Variants in RTL1 observed in about 807,000 individuals in gnomAD.
RTL1 encodes retrotransposon Gag like 1, also known as retrotransposon-like protein 1.
For synonymous variants in RTL1, 727 were observed against 748.4 expected, an observed-to-expected ratio of 0.97 and a Z score of 0.47; for missense variants, 1,681 against 1,767.5, an observed-to-expected ratio of 0.95 and a Z score of 0.88.
chr14:100,901,437 A>G (rs913861130), intron 2 of RTL1, among the ~76,000 whole-genome samples: 1 of 152,176 alleles, frequency 6.6e-6, no homozygotes, highest in Non-Finnish European at 1.5e-5. Flanking sequence ...TGGGAACTGA[A>G]CCCCTGTGAA....
intron 2 of RTL1, among the ~76,000 whole-genome samples, chr14:100,897,007 TC>T (rs1490126314): frequency 1.3e-5 from 2 of 152,006 alleles, no homozygotes; most frequent in African/African-American, 2.4e-5. Context: ...AGTAAAGCAC[TC>T]CCCCGTGGGT....
chr14:100,881,290 A>G lies in RTL1; in HGVS notation c.3499T>C (p.Phe1167Leu), dbSNP rs2038608122. 3.9e-6 allele frequency: 6 copies of G among 1,550,316 alleles called. No individual in the cohort carries two copies. Among genetic ancestry groups the G allele is most frequent in the Non-Finnish European group, 5.2e-6 (6 of 1,146,964 alleles). The change falls in exon 4 of 4, where the codon TTC becomes CTC. Residue 1167 changes from phenylalanine (F) to leucine (L), a missense_variant. Transcript: ENST00000649591. This position sits in a 1 kb window ranked among gnomAD's most constrained non-coding sequence, Gnocchi z 6.6. ...TIPAQELAEL[F>L]LGPGRWQRNA... ...CGCTGCCAGCGGCCAGGGCCCAGGA[A>G]CAGCTCAGCCAGCTCCTGGGCTGGG...
intron 2 of RTL1, among the ~76,000 whole-genome samples, chr14:100,900,627 G>A (rs184326941): frequency 6.6e-6 from 1 of 152,212 alleles, no homozygotes; most frequent in Non-Finnish European, 1.5e-5. Flanking sequence ...TGTCCGGCAG[G>A]GGCTAAAGGG....
At position 100,884,889 on chromosome 14, in the gene RTL1, G is replaced by T; in HGVS notation, c.-86-15C>A. On this transcript the variant is annotated splice_polypyrimidine_tract_variant and intron_variant, in intron 3 of 3. Coordinates refer to ENST00000649591, the MANE Select transcript of RTL1 (RefSeq NM_001134888.3). Reference sequence around the variant, plus strand: ...GAGATCAGAACCTGGTGGTGGAAGGGGAGTGTGGGGAGTAAAGGCAGTAGT... The same window carrying T: ...GAGATCAGAACCTGGTGGTGGAAGGTGAGTGTGGGGAGTAAAGGCAGTAGT... 2 of 1,076,710 alleles carry T rather than the reference G, an allele frequency of 1.9e-6. No homozygotes were observed. Among genetic ancestry groups the T allele is most frequent in the Non-Finnish European group, 2.6e-6 (2 of 754,868 alleles). The allele number at this position is 1,076,710 out of a possible 1,614,324, so 66.7% of individuals were successfully genotyped here.
rs763367379 is a variant in RTL1, at chr14:100,883,115, T to C, written c.1674A>G (p.Pro558=). The change falls in exon 4 of 4, where the codon CCA becomes CCG. Residue 558 remains proline, a synonymous_variant. Transcript: ENST00000649591. This position sits in a 1 kb window ranked among gnomAD's most constrained non-coding sequence, Gnocchi z 5.9. ...TAAACACGTCGGCCAGGTCTGAGTA[T>C]GGGTGTGGCAGTCCGGGTAGCAGGC... The part of the protein sequence containing the change: ...GMSLLPGLPH[P]YSDLADVFNP... 6.2e-7 allele frequency: 1 copy of C among 1,612,908 alleles called. No homozygotes were observed. Among genetic ancestry groups the C allele is most frequent in the South Asian group, 1.1e-5 (1 of 90,720 alleles).
Position 100,879,782 on chromosome 14 carries a change from CAA to C in RTL1, c.*928_*929del, listed in dbSNP as rs1277024985. Among the ~76,000 whole-genome samples, 2 of 150,784 alleles carry C rather than the reference CAA, an allele frequency of 1.3e-5. No homozygotes were observed. The highest frequency in any genetic ancestry group is 3.0e-5 in the Non-Finnish European group (2 of 67,656). ...TTTAGTTTGCTTTATTTGAGGAGTGCAAAAAGATTGGGGGGTGAGAAAGCTCG... is the reference window on the plus strand; with the variant it reads ...TTTAGTTTGCTTTATTTGAGGAGTGCAAAGATTGGGGGGTGAGAAAGCTCG... On this transcript the variant is annotated 3_prime_UTR_variant, in exon 4 of 4. Coordinates refer to ENST00000649591, the MANE Select transcript of RTL1 (RefSeq NM_001134888.3).
Position 100,883,695 on chromosome 14 carries a change from C to A in RTL1, c.1094G>T (p.Arg365Ile), listed in dbSNP as rs188763368. The change falls in exon 4 of 4, where the codon AGA (arginine) becomes ATA (isoleucine). Residue 365 changes from arginine (R) to isoleucine (I), a missense_variant. Arg to Ile is a moderately conservative substitution (Grantham distance 97, BLOSUM62 -3). Transcript: ENST00000649591. This position sits in a 1 kb window ranked among gnomAD's most constrained non-coding sequence, Gnocchi z 5.9. ...LQIEEKLAER[R>I]AMLRLPPEAR... ...CTCGGGGGGCAGCCTGAGCATAGCT[C>A]TTCTCTCTGCCAGCTTCTCTTCTAT... is the stretch of plus-strand genomic sequence containing the variant. 3.2e-6 allele frequency: 5 copies of A among 1,551,646 alleles called. No individual in the cohort carries two copies. In the South Asian group the frequency reaches 5.9e-5, roughly 18 times the overall value.
rs2038967941 is a variant in RTL1 at position 100,903,289 on chromosome 14, A to C, written c.-149+2T>G. On this transcript the variant is annotated splice_donor_variant, in intron 2 of 3. Transcript: ENST00000649591. LOFTEE classifies it low-confidence loss of function (5UTR_SPLICE). ...TTCTCCAAGCCACCACAGTGTACCT[A>C]CCTTCCCCGGGCCCAGTCCCAAGCG... Among the ~76,000 whole-genome samples, 1 of 152,054 alleles carries C rather than the reference A, an allele frequency of 6.6e-6. No individual in the cohort carries two copies. Among genetic ancestry groups the C allele is most frequent in the African/African-American group, 2.4e-5 (1 of 41,404 alleles).
chr14:100,890,510 G>A (rs1307842119), intron 3 of RTL1, among the ~76,000 whole-genome samples: 2 of 151,870 alleles, frequency 1.3e-5, no homozygotes, highest in African/African-American at 2.4e-5. Flanking sequence ...GTGGGAGGCT[G>A]GGGGCTGAGG....
At chr14:100,890,198 C>T (rs1403601559) in intron 3 of RTL1, among the ~76,000 whole-genome samples, 1 of 151,910 alleles carries the variant, frequency 6.6e-6, no homozygotes, top group Non-Finnish European at 1.5e-5. Context: ...GCCCCAGCCT[C>T]ACCACCTTCA....
Position 100,891,007 on chromosome 14 carries a change from T to C in RTL1, c.-87+2437A>G, listed in dbSNP as rs113358181. ...GGAAGCCTTCCTGGTTTCCCTGGTA[T>C]GAACAAGTGTCAAGGATGGCTCACT... On this transcript the variant is annotated intron_variant, in intron 3 of 3. Transcript: ENST00000649591. Among the ~76,000 whole-genome samples, 1,461 of 152,278 alleles carry C rather than the reference T, an allele frequency of 9.6e-3. 19 individuals carry two copies. The highest frequency in any genetic ancestry group is 0.033 in the African/African-American group (1,376 of 41,548).
Position 100,882,286 on chromosome 14 carries a change from G to A in RTL1, c.2503C>T (p.Arg835Trp), listed in dbSNP as rs537765084. 115 of 1,551,644 alleles carry A rather than the reference G, an allele frequency of 7.4e-5. No individual in the cohort carries two copies. The highest frequency in any genetic ancestry group is 9.3e-5 in the Non-Finnish European group (107 of 1,147,010). The part of the protein sequence containing the change: ...RFSIIAEPLV[R>W]QLLSSYQFYW... ...AACTGGTAGGAGCTCAGCAGCTGCC[G>A]CACCAGGGGCTCTGCGATGATGCTG... The change falls in exon 4 of 4, where the codon CGG becomes TGG. Residue 835 changes from arginine (R) to tryptophan (W), a missense_variant. By Grantham distance (101) the Arg-to-Trp change is moderately radical. Transcript: ENST00000649591.
At chr14:100,892,248 T>TA (rs1160617665) in intron 3 of RTL1, among the ~76,000 whole-genome samples, 1 of 152,084 alleles carries the variant, frequency 6.6e-6, no homozygotes, top group African/African-American at 2.4e-5. Context: ...GAGCTGTTCT[T>TA]AGAGTAGGAA....
At chr14:100,902,464 T>A (rs1595347854) in intron 2 of RTL1, among the ~76,000 whole-genome samples, 1 of 152,188 alleles carries the variant, frequency 6.6e-6, no homozygotes, top group Admixed American at 6.5e-5. Context: ...AGCTGCTCCA[T>A]GTCTATCTGT....
rs541502487 is a variant in RTL1 at position 100,903,712 on chromosome 14, TG to T, written c.-353del. 8.5e-5 allele frequency among the ~76,000 whole-genome samples: 13 copies of T among 152,118 alleles called. No individual in the cohort carries two copies. The South Asian group carries it at 1.5e-3, about 17-fold the overall frequency. On this transcript the variant is annotated 5_prime_UTR_variant, in exon 1 of 4. Transcript: ENST00000649591. Reference sequence around the variant, plus strand: ...TGCTCAGCGAGGCTGTGCCGAGTGCTGGGGGGGTGTGGGTGGGCAGGGGACG... The same window carrying T: ...TGCTCAGCGAGGCTGTGCCGAGTGCTGGGGGGTGTGGGTGGGCAGGGGACG...
At position 100,883,675 on chromosome 14, in the gene RTL1, G is replaced by C. The variant is rs1566754182; in HGVS notation, c.1114C>G (p.Pro372Ala). The C allele has an allele frequency of 6.4e-7, 1 of 1,551,550 alleles. No individual in the cohort carries two copies. The highest frequency in any genetic ancestry group is 1.4e-5 in the African/African-American group (1 of 73,156). Residue 372 changes from proline to alanine, a missense_variant, in exon 4 of 4, where the codon CCC becomes GCC. Transcript: ENST00000649591. The surrounding 1 kb of genome is among the most constrained non-coding windows in gnomAD (Gnocchi z 5.9). ...AERRAMLRLP[P>A]EARPRNLTWI... ...GTCAGGTTCCGGGGGCGGGCCTCGG[G>C]GGGCAGCCTGAGCATAGCTCTTCTC...
chr14:100,899,852 C>T (rs1437833308), intron 2 of RTL1, among the ~76,000 whole-genome samples: 3 of 152,208 alleles, frequency 2.0e-5, no homozygotes, highest in Non-Finnish European at 4.4e-5. Context: ...CATCTTACCC[C>T]GTCATGAAAT....
At position 100,881,172 on chromosome 14, in the gene RTL1, G is replaced by T. The variant is rs1311479925; in HGVS notation, c.3617C>A (p.Pro1206His). ...CAGGGCAGGGAGGTGGCCCTCCTGG[G>T]GGGTGACTCTGACACCGAAGAACTC... ...LCEFFGVRVTPQEGHLPALRQ... is the reference protein window; with the variant it reads ...LCEFFGVRVTHQEGHLPALRQ... Residue 1206 changes from proline to histidine, a missense_variant, in exon 4 of 4, where the codon CCC (proline) becomes CAC (histidine). Transcript: ENST00000649591. The surrounding 1 kb of genome is among the most constrained non-coding windows in gnomAD (Gnocchi z 6.6). The T allele has an allele frequency of 1.3e-6, 2 of 1,542,074 alleles. No individual in the cohort carries two copies. The highest frequency in any genetic ancestry group is 2.7e-5 in the African/African-American group (2 of 72,940).
intron 2 of RTL1, chr14:100,899,119 C>A (rs1292459121): frequency 6.6e-6 from 1 of 152,318 alleles, no homozygotes; most frequent in Non-Finnish European, 1.5e-5. Context: ...TGCAAACACC[C>A]TTCTGGGTGG....
Sources: allele counts gnomAD v4.1 joint callset (sites outside exome capture counted in the v4.1 genomes callset), GRCh38; gene constraint gnomAD v4.1.1; non-coding constraint Gnocchi (gnomAD v3.1); transcripts MANE v1.5; gene names NCBI Gene and HGNC (gene_info 2026-07-23, HGNC 2026-07-21).